TMEM232: variants seen among roughly 807,000 people sequenced by gnomAD.
TMEM232 encodes the protein transmembrane protein 232.
TMEM232 carries 80 observed loss-of-function variants against 78.8 expected under a neutral mutation model. The ratio of observed to expected loss-of-function variants is 1.01; its 90% CI spans 0.85 to 1.22. The LOEUF (loss-of-function observed/expected upper bound fraction) is 1.22. Ranked by LOEUF, TMEM232 falls within the 50% of genes most tolerant of loss-of-function variation. The pLI is 0.00. For missense variants in TMEM232, 881 were observed against 742.2 expected (o/e 1.19, Z -2.17); for synonymous variants, 297 against 254.3 (o/e 1.17, Z -1.60).
rs574043233 is a variant in TMEM232 at position 110,419,863 on chromosome 5, T to C, written c.*717A>G. 6.6e-6 allele frequency among the ~76,000 whole-genome samples: 1 copy of C among 152,262 alleles called. No homozygotes were observed. Among genetic ancestry groups the C allele is most frequent in the East Asian group, 1.9e-4 (1 of 5,180 alleles). On this transcript the variant is annotated 3_prime_UTR_variant, in exon 14 of 14. Coordinates refer to ENST00000455884, the MANE Select transcript of TMEM232 (RefSeq NM_001039763.4). Reference sequence around the variant, plus strand: ...GTTCAGAACTTCAGATGAAGTGAAGTTCCATTTCTAAAATAACTCCTATTT... The same window carrying C: ...GTTCAGAACTTCAGATGAAGTGAAGCTCCATTTCTAAAATAACTCCTATTT...
intron 1 of TMEM232, among the ~76,000 whole-genome samples, chr5:110,679,154 G>T (rs1349755070): frequency 6.6e-6 from 1 of 152,150 alleles, no homozygotes; most frequent in South Asian, 2.1e-4. Context: ...AGCATCAAAT[G>T]AGAGCACCTG....
At position 110,556,359 on chromosome 5, in the gene TMEM232, CCCTT is replaced by C. The variant is rs368974293; in HGVS notation, c.1455+12084_1455+12087del. On this transcript the variant is annotated intron_variant, in intron 11 of 13. Transcript: ENST00000455884. ...TTCCTTCCTCCCTTCCCTTCCCTTC[CCCTT>C]CCTTCCTTCCTTCCTTTCTTTCTTT... Among the ~76,000 whole-genome samples the C allele has an allele frequency of 5.4e-3, 741 of 136,366 alleles. 6 individuals carry two copies. Among genetic ancestry groups the C allele is most frequent in the Non-Finnish European group, 6.9e-3 (442 of 64,142 alleles). 89.5% of individuals were successfully genotyped at this position (136,366 alleles called of 152,430 possible). A position where few individuals can be genotyped will look rare whatever the true frequency, so the allele number is the denominator to read the frequency against.
intron 12 of TMEM232, among the ~76,000 whole-genome samples, chr5:110,475,765 C>G (rs1763187108): frequency 6.6e-6 from 1 of 151,558 alleles, no homozygotes; most frequent in South Asian, 2.1e-4. Context: ...GCTGAGTACT[C>G]ATTAATTGCA....
chr5:110,694,671 C>G (rs191849599), intron 1 of TMEM232, among the ~76,000 whole-genome samples: 3 of 151,966 alleles, frequency 2.0e-5, no homozygotes, highest in Admixed American at 1.3e-4. Context: ...GCTGATAAAA[C>G]AGACTTTAAA....
intron 1 of TMEM232, among the ~76,000 whole-genome samples, chr5:110,706,006 T>C (rs79621008): frequency 0.011 from 1,679 of 152,062 alleles, 32 homozygotes; most frequent in African/African-American, 0.039. Flanking sequence ...TAATATTTGA[T>C]TTAAATTAAA....
At chr5:110,431,793 A>C in intron 12 of TMEM232, among the ~76,000 whole-genome samples, 1 of 151,706 alleles carries the variant, frequency 6.6e-6, no homozygotes, top group East Asian at 1.9e-4. Context: ...AGAAAAGAAG[A>C]TTGGTGAATT....
At chr5:110,562,467 T>G (rs1775862774) in intron 11 of TMEM232, among the ~76,000 whole-genome samples, 1 of 152,108 alleles carries the variant, frequency 6.6e-6, no homozygotes, top group African/African-American at 2.4e-5. Context: ...CAAGTACTAT[T>G]TAATACTTGA....
chr5:110,694,420 C>A (rs1794514677), intron 1 of TMEM232, among the ~76,000 whole-genome samples: 1 of 152,110 alleles, frequency 6.6e-6, no homozygotes, highest in African/African-American at 2.4e-5. Flanking sequence ...GACCAGCTAA[C>A]ATCATAATGA....
At chr5:110,564,946 T>C (rs1776169007) in intron 11 of TMEM232, among the ~76,000 whole-genome samples, 1 of 151,948 alleles carries the variant, frequency 6.6e-6, no homozygotes, top group African/African-American at 2.4e-5. Context: ...GCCTGCTATC[T>C]CATAGTTTCA....
chr5:110,491,303 T>G (rs1161002538), intron 12 of TMEM232, among the ~76,000 whole-genome samples: 1 of 152,068 alleles, frequency 6.6e-6, no homozygotes, highest in African/African-American at 2.4e-5. Context: ...TAGCTTTAAT[T>G]AAAAAGACCG....
intron 1 of TMEM232, among the ~76,000 whole-genome samples, chr5:110,715,066 GCC>G (rs1796878905): frequency 6.6e-6 from 1 of 151,846 alleles, no homozygotes; most frequent in African/African-American, 2.4e-5. Context: ...GTCTATTTTT[GCC>G]CCTTCATTCA....
intron 10 of TMEM232, among the ~76,000 whole-genome samples, chr5:110,604,849 T>C (rs1282393810): frequency 6.6e-6 from 1 of 152,054 alleles, no homozygotes; most frequent in African/African-American, 2.4e-5. Flanking sequence ...TCCCAGCTAC[T>C]CAGGAGGCTG....
At chr5:110,396,191 T>G (rs1187015607) in intron 3 of TMEM232, among the ~76,000 whole-genome samples, 1 of 152,148 alleles carries the variant, frequency 6.6e-6, no homozygotes, top group African/African-American at 2.4e-5. Flanking sequence ...AAACTACTGC[T>G]TTTAAACCAT....
intron 10 of TMEM232, among the ~76,000 whole-genome samples, chr5:110,602,845 T>C (rs531619359): frequency 7.9e-5 from 12 of 152,312 alleles, no homozygotes; most frequent in South Asian, 6.2e-4. Context: ...TGCACACGTA[T>C]GTTTATTGCA....
At chr5:110,390,057 T>C (rs1024922030) in intron 4 of TMEM232, among the ~76,000 whole-genome samples, 1 of 152,162 alleles carries the variant, frequency 6.6e-6, no homozygotes, top group Non-Finnish European at 1.5e-5. Flanking sequence ...CTCCTGACTT[T>C]GGGGTATACC....
intron 10 of TMEM232, among the ~76,000 whole-genome samples, chr5:110,585,110 CCTT>C (rs1366056732): frequency 1.3e-5 from 2 of 152,070 alleles, no homozygotes; most frequent in Non-Finnish European, 2.9e-5. Flanking sequence ...ATTCCCAGCT[CCTT>C]CTTCTTAAGT....
chr5:110,599,333 A>G (rs1173072630), intron 10 of TMEM232, among the ~76,000 whole-genome samples: 12 of 152,160 alleles, frequency 7.9e-5, no homozygotes. Flanking sequence ...TTAACCTTAA[A>G]TGTTAATAGG....
At chr5:110,700,194 G>A (rs1026948841) in intron 1 of TMEM232, among the ~76,000 whole-genome samples, 2 of 152,014 alleles carry the variant, frequency 1.3e-5, no homozygotes, top group African/African-American at 2.4e-5. Context: ...GTCCAGCACT[G>A]TAAACAGGAC....
rs546026223 is a variant in TMEM232, at chr5:110,613,459, C to T, written c.902+4970G>A. On this transcript the variant is annotated intron_variant, in intron 8 of 13. Coordinates refer to ENST00000455884, the MANE Select transcript of TMEM232 (RefSeq NM_001039763.4). ...CTCTCTTTGCTTTTAAATCTCGGAACATTTGTTCAACATTATGTTACTTTC... is the reference window on the plus strand; with the variant it reads ...CTCTCTTTGCTTTTAAATCTCGGAATATTTGTTCAACATTATGTTACTTTC... Among the ~76,000 whole-genome samples the T allele has an allele frequency of 2.6e-5, 4 of 152,184 alleles. No individual in the cohort carries two copies. In the South Asian group the frequency reaches 6.2e-4, roughly 24 times the overall value.
Sources: allele counts gnomAD v4.1 joint callset (sites outside exome capture counted in the v4.1 genomes callset), GRCh38; gene constraint gnomAD v4.1.1; transcripts MANE v1.5; gene names NCBI Gene and HGNC (gene_info 2026-07-23, HGNC 2026-07-21).